Variants in CAST observed in about 807,000 individuals in gnomAD.
CAST encodes the protein MIR583 host.
CAST carries 76 observed loss-of-function variants against 119.6 expected under a neutral mutation model. The ratio of observed to expected loss-of-function variants is 0.64; its 90% CI spans 0.53 to 0.77. The LOEUF (loss-of-function observed/expected upper bound fraction) is 0.77, where lower values mean the gene tolerates loss of function less well. Among genes scored for constraint, CAST ranks in the 30% least tolerant of loss-of-function variants. The pLI is 0.00. For missense variants in CAST, 953 were observed against 946.5 expected (o/e 1.01, Z -0.09); for synonymous variants, 319 against 331.6 (o/e 0.96, Z 0.41).
the CAST span, among the ~76,000 whole-genome samples, chr5:96,221,776 CA>C: frequency 1.3e-5 from 2 of 151,778 alleles, no homozygotes; most frequent in Admixed American, 6.6e-5. Context: ...TTATTTAGAA[CA>C]AAAAAAGAGC....
the CAST span, among the ~76,000 whole-genome samples, chr5:96,180,206 A>G: frequency 6.6e-6 from 1 of 152,206 alleles, no homozygotes; most frequent in African/African-American, 2.4e-5. Context: ...GGATTATACC[A>G]TGTGTGATAA....
At chr5:96,236,131 A>C in the CAST span, among the ~76,000 whole-genome samples, 498 of 151,014 alleles carry the variant, frequency 3.3e-3, 1 homozygote, top group Middle Eastern at 0.017. Flanking sequence ...CTATCTCTCT[A>C]TCTATCTATC....
At chr5:96,071,733 T>G in the CAST span, among the ~76,000 whole-genome samples, 2 of 152,266 alleles carry the variant, frequency 1.3e-5, no homozygotes, top group East Asian at 3.9e-4. Context: ...TTTCCTTATC[T>G]GCTAGTTTTT....
rs1248311629 is a variant in CAST at position 96,766,139 on chromosome 5, T to C, written c.2124T>C (p.Asn708=). 1.3e-5 allele frequency: 20 copies of C among 1,592,250 alleles called. No individual in the cohort carries two copies. Among genetic ancestry groups the C allele is most frequent in the East Asian group, 2.2e-5 (1 of 44,682 alleles). ...AATACAGACATCTCCTGGATGATAA[T>C]GGACAGGTAAACTGAGGCAAATTGC... ...PPEYRHLLDD[N]GQDKPVKPPT... is the part of the protein sequence containing the mutation. Residue 708 remains asparagine (N), a synonymous_variant, in exon 27 of 32, where the codon AAT becomes AAC. Coordinates refer to ENST00000675179, the MANE Select transcript of CAST (RefSeq NM_001750.7).
chr5:96,065,777 G>T, the CAST span, among the ~76,000 whole-genome samples: 3 of 152,086 alleles, frequency 2.0e-5, no homozygotes, highest in Admixed American at 1.3e-4. Context: ...ATGACTCTTA[G>T]CTCTGCCCCT....
At chr5:96,706,184 T>TA (rs1754929900) in intron 3 of CAST, among the ~76,000 whole-genome samples, 1 of 152,364 alleles carries the variant, frequency 6.6e-6, no homozygotes, top group East Asian at 1.9e-4. Context: ...AATGATAAAA[T>TA]AATATTCATT....
chr5:96,242,077 C>T, the CAST span, among the ~76,000 whole-genome samples: 2 of 147,240 alleles, frequency 1.4e-5, no homozygotes, highest in African/African-American at 2.5e-5. Flanking sequence ...AATTAGATCC[C>T]ATTTGTCAAT....
the CAST span, among the ~76,000 whole-genome samples, chr5:96,517,924 T>C: frequency 1.3e-5 from 2 of 152,380 alleles, no homozygotes; most frequent in East Asian, 1.9e-4. Flanking sequence ...TATTATGTCA[T>C]AGAAGCTGAA....
chr5:96,146,968 T>A, the CAST span, among the ~76,000 whole-genome samples: 1 of 152,190 alleles, frequency 6.6e-6, no homozygotes. Flanking sequence ...TCAGAACTAG[T>A]CATATGACCT....
the CAST span, among the ~76,000 whole-genome samples, chr5:96,146,907 A>G: frequency 6.6e-6 from 1 of 152,246 alleles, no homozygotes; most frequent in Admixed American, 6.5e-5. Flanking sequence ...ACTGGCTCTT[A>G]ACTGCCTCAG....
the CAST span, among the ~76,000 whole-genome samples, chr5:96,503,110 A>T: frequency 4.6e-5 from 7 of 152,216 alleles, no homozygotes; most frequent in Non-Finnish European, 1.0e-4. Context: ...TTGTCTTCAG[A>T]GTACTGTAAT....
At chr5:96,269,201 C>G in the CAST span, among the ~76,000 whole-genome samples, 1 of 152,154 alleles carries the variant, frequency 6.6e-6, no homozygotes, top group South Asian at 2.1e-4. Context: ...AAATCAAAGA[C>G]TATAAAAAGA....
chr5:96,766,568 A>G (rs780135841), intron 27 of CAST, among the ~76,000 whole-genome samples: 4 of 152,182 alleles, frequency 2.6e-5, no homozygotes, highest in African/African-American at 7.2e-5. Flanking sequence ...GGGTCTCCCT[A>G]TCTTCTCCTG....
At chr5:96,414,663 C>T in the CAST span, among the ~76,000 whole-genome samples, 1 of 152,340 alleles carries the variant, frequency 6.6e-6, no homozygotes, top group African/African-American at 2.4e-5. Flanking sequence ...AACTTGCTTT[C>T]ATTACCTTGA....
At chr5:96,460,794 C>A in the CAST span, among the ~76,000 whole-genome samples, 1 of 152,086 alleles carries the variant, frequency 6.6e-6, no homozygotes, top group Non-Finnish European at 1.5e-5. Flanking sequence ...AATATGTGAA[C>A]ATATTAAACA....
chr5:96,594,584 A>G (rs903279752), intron 1 of CAST, among the ~76,000 whole-genome samples: 1 of 152,252 alleles, frequency 6.6e-6, no homozygotes, highest in Admixed American at 6.5e-5. Flanking sequence ...AGAATATTAA[A>G]CACCACATTA....
chr5:96,699,928 AC>A (rs1561485761), intron 3 of CAST, among the ~76,000 whole-genome samples: 4 of 152,322 alleles, frequency 2.6e-5, no homozygotes, highest in Non-Finnish European at 5.9e-5. Context: ...AGCGCAAACA[AC>A]TTTCCTCCCA....
intron 2 of CAST, among the ~76,000 whole-genome samples, chr5:96,685,070 C>A (rs1163480966): frequency 6.6e-6 from 1 of 150,730 alleles, no homozygotes; most frequent in African/African-American, 2.4e-5. Flanking sequence ...ATAAATATAT[C>A]AACATTATAT....
the CAST span, among the ~76,000 whole-genome samples, chr5:96,252,215 ATT>A: frequency 4.6e-5 from 7 of 152,170 alleles, no homozygotes; most frequent in Non-Finnish European, 8.8e-5. Flanking sequence ...GGCAATGGTA[ATT>A]TTGGTGATGG....
Sources: allele counts gnomAD v4.1 joint callset (sites outside exome capture counted in the v4.1 genomes callset), GRCh38; gene constraint gnomAD v4.1.1; transcripts MANE v1.5; gene names NCBI Gene and HGNC (gene_info 2026-07-23, HGNC 2026-07-21).